CHRNA2: variants seen among roughly 807,000 people sequenced by gnomAD.
The protein encoded by CHRNA2 is cholinergic receptor nicotinic alpha 2 subunit, also known as neuronal acetylcholine receptor subunit alpha-2.
CHRNA2 carries 40 observed loss-of-function variants against 45.5 expected under a neutral mutation model. That is an observed-to-expected ratio of 0.88 (90% CI 0.68 to 1.15). The LOEUF is 1.15. Among genes scored for constraint, CHRNA2 ranks in the 50% most tolerant of loss-of-function variants. The pLI is 0.00. For missense variants in CHRNA2, 655 were observed against 701.7 expected (o/e 0.93, Z 0.75); for synonymous variants, 301 against 296.7 (o/e 1.01, Z -0.15).
chr8:27,473,535 C>CCA (rs60439689), intron 1 of CHRNA2, among the ~76,000 whole-genome samples: 2 of 138,372 alleles, frequency 1.4e-5, no homozygotes, highest in Admixed American at 7.1e-5. Context: ...CCCCCCCCGC[C>CCA]GTCTCTACAA....
intron 1 of CHRNA2, among the ~76,000 whole-genome samples, chr8:27,474,006 G>T (rs1389885209): frequency 2.6e-5 from 4 of 152,176 alleles, no homozygotes; most frequent in African/African-American, 9.7e-5. Flanking sequence ...ATCCCCCTGG[G>T]ATTTTGTCTT....
intron 4 of CHRNA2, chr8:27,467,569 T>C (rs138502955): frequency 3.6e-4 from 194 of 533,746 alleles, no homozygotes; most frequent in African/African-American, 3.5e-3. Flanking sequence ...CCCGGGCACA[T>C]GAAGTTCACC....
At chr8:27,462,462 C>T (rs1045579617) in intron 6 of CHRNA2, among the ~76,000 whole-genome samples, 12 of 152,144 alleles carry the variant, frequency 7.9e-5, no homozygotes, top group Admixed American at 3.9e-4. Flanking sequence ...GGCGGGGGAG[C>T]GGAGTCCACC....
At chr8:27,476,997 A>AAG (rs200264630) in intron 1 of CHRNA2, among the ~76,000 whole-genome samples, 66 of 138,800 alleles carry the variant, frequency 4.8e-4, no homozygotes, top group East Asian at 6.3e-4. Context: ...CATGTAAGTA[A>AAG]AAAAAAAAAA....
chr8:27,469,245 G>T, intron 4 of CHRNA2, 90 bp downstream of exon 4: 4 of 1,258,882 alleles, frequency 3.2e-6, no homozygotes, highest in Non-Finnish European at 4.5e-6. Context: ...GCTGTTCCTT[G>T]GTCTTTCACT....
At chr8:27,464,110 C>T (rs1349639763) in intron 5 of CHRNA2, 117 bp from the exon 6 acceptor site, 22 of 1,208,032 alleles carry the variant, frequency 1.8e-5, no homozygotes, top group African/African-American at 1.7e-4. Context: ...GCCACACTGG[C>T]GGGGTTTATT....
At position 27,471,087 on chromosome 8, in the gene CHRNA2, T is replaced by C; in HGVS notation, c.-29A>G. The C allele has an allele frequency of 1.2e-6, 2 of 1,608,320 alleles. No homozygotes were observed. Among genetic ancestry groups the C allele is most frequent in the East Asian group, 2.2e-5 (1 of 44,796 alleles). On this transcript the variant is annotated 5_prime_UTR_variant, in exon 2 of 7. An upstream open reading frame in the 5' UTR loses its in-frame stop. Transcript: ENST00000407991. ...TTCTCCTGAGCATCAGGAGGTCAGGTCAGGGCTTTGCTGTGGGTTGCACCA... is the reference window on the plus strand; with the variant it reads ...TTCTCCTGAGCATCAGGAGGTCAGGCCAGGGCTTTGCTGTGGGTTGCACCA...
chr8:27,466,068 A>G lies in CHRNA2; in HGVS notation c.449+1161T>C, dbSNP rs570777621. Among the ~76,000 whole-genome samples the G allele has an allele frequency of 5.3e-5, 8 of 152,322 alleles. No homozygotes were observed. The South Asian group carries it at 1.7e-3, about 32-fold the overall frequency. On this transcript the variant is annotated intron_variant, in intron 5 of 6. Transcript: ENST00000407991. ...ACTAGAAGGACCCTGGGTGCCAGCT[A>G]TGGGGCACAGAGATACGACAGGGTG...
rs1242888452 is a variant in CHRNA2, at chr8:27,470,990, T to G, written c.69A>C (p.Pro23=). The G allele has an allele frequency of 1.9e-6, 3 of 1,613,940 alleles. No individual in the cohort carries two copies. The highest frequency in any genetic ancestry group is 2.7e-5 in the African/African-American group (2 of 74,920). Residue 23 remains proline (P), a synonymous_variant, in exon 2 of 7, where the codon CCA becomes CCC. Transcript: ENST00000407991. ...KLSLWWLLLT[P]AGGEEAKRPP... ...TGACAGGTGACAAACACTCACCTGC[T>G]GGGGTCAGAAGGAGCCACCACAGGC...
chr8:27,465,733 A>C (rs1014722211), intron 5 of CHRNA2, among the ~76,000 whole-genome samples: 2 of 152,150 alleles, frequency 1.3e-5, no homozygotes, highest in South Asian at 2.1e-4. Flanking sequence ...CCAGGCAAAA[A>C]CAAAAAATTT....
At chr8:27,475,824 T>C (rs1813043311) in intron 1 of CHRNA2, among the ~76,000 whole-genome samples, 1 of 152,192 alleles carries the variant, frequency 6.6e-6, no homozygotes. Flanking sequence ...AAAGGTCAAA[T>C]GGGACTTTCA....
intron 2 of CHRNA2, 149 bp from the exon 3 acceptor site, chr8:27,470,130 G>T: frequency 1.3e-6 from 1 of 798,330 alleles, no homozygotes. Context: ...TGAGCAGGCT[G>T]CGGGGTCGGA....
intron 5 of CHRNA2, 45 bp from the exon 6 acceptor site, chr8:27,464,038 G>A: frequency 6.2e-7 from 1 of 1,607,726 alleles, no homozygotes; most frequent in South Asian, 1.1e-5. Flanking sequence ...ACACCCACCT[G>A]CCTGAGCCAG....
At chr8:27,462,911 C>A (rs1479262991) in intron 6 of CHRNA2, 68 bp downstream of exon 6, 8 of 1,599,916 alleles carry the variant, frequency 5.0e-6, no homozygotes, top group East Asian at 2.2e-5. Flanking sequence ...TCACACTCTG[C>A]GGTAAGGTGG....
Position 27,463,855 on chromosome 8 carries a change from G to T in CHRNA2, c.588C>A (p.Asn196Lys), listed in dbSNP as rs2132654115. 1.2e-6 allele frequency: 2 copies of T among 1,614,184 alleles called. No homozygotes were observed. The highest frequency in any genetic ancestry group is 2.2e-5 in the East Asian group (1 of 44,886). ...TCCAGGAGCCAAACTTCATCTTGCA[G>T]TTCTGCTGGTCGAAGGGGAAGAAGG... ...DVTFFPFDQQ[N>K]CKMKFGSWTY... Residue 196 changes from asparagine (N) to lysine (K), a missense_variant, in exon 6 of 7, where the codon AAC (asparagine) becomes AAA (lysine). Asn to Lys is a moderately conservative substitution (Grantham distance 94). Coordinates refer to ENST00000407991, the MANE Select transcript of CHRNA2 (RefSeq NM_000742.4). The surrounding 1 kb of genome is among the most constrained non-coding windows in gnomAD (Gnocchi z 6.1).
In CHRNA2 at chr8:27,461,574, C is replaced by T. The variant is rs780560860; in HGVS notation, c.*55G>A. 1.1e-5 allele frequency: 18 copies of T among 1,611,328 alleles called. No homozygotes were observed. The highest frequency in any genetic ancestry group is 8.3e-5 in the Admixed American group (5 of 59,970). On this transcript the variant is annotated 3_prime_UTR_variant, in exon 7 of 7. Coordinates refer to ENST00000407991, the MANE Select transcript of CHRNA2 (RefSeq NM_000742.4). ...ACACCAGAGGCAGCTGTAGCAGAGA[C>T]GGTCAAAAGATGGTCAGCGGGGGTG... is the stretch of plus-strand genomic sequence containing the variant.
At chr8:27,470,586 T>C (rs553874961) in intron 2 of CHRNA2, among the ~76,000 whole-genome samples, 1 of 152,370 alleles carries the variant, frequency 6.6e-6, no homozygotes, top group Non-Finnish European at 1.5e-5. Context: ...AGGGCTCTGC[T>C]GTCCGAGCGA....
chr8:27,473,024 G>GA (rs1275754750), intron 1 of CHRNA2, among the ~76,000 whole-genome samples: 1 of 152,004 alleles, frequency 6.6e-6, no homozygotes, highest in African/African-American at 2.4e-5. Flanking sequence ...AGAAAATTGG[G>GA]AAAAGCAGTA....
intron 1 of CHRNA2, among the ~76,000 whole-genome samples, chr8:27,472,257 G>A (rs1812909839): frequency 6.6e-6 from 1 of 152,216 alleles, no homozygotes; most frequent in African/African-American, 2.4e-5. Context: ...CAGGGAGGGG[G>A]TCATGGGAAC....
Sources: gnomAD v4.1 joint callset for allele counts (sites outside exome capture counted in the v4.1 genomes callset) on GRCh38, gnomAD v4.1.1 for gene constraint, Gnocchi (gnomAD v3.1) non-coding constraint, MANE v1.5 for transcripts, NCBI Gene and HGNC (gene_info 2026-07-23, HGNC 2026-07-21) for gene names.